ALDH1A1: variants seen among roughly 807,000 people sequenced by gnomAD.
ALDH1A1 encodes the protein aldehyde dehydrogenase 1 family member A1.
A neutral mutation model predicts 62.1 loss-of-function variants in ALDH1A1; 19 were observed. The ratio of observed to expected loss-of-function variants is 0.31; its 90% CI spans 0.21 to 0.45. The LOEUF (loss-of-function observed/expected upper bound fraction) is 0.45. Ranked by LOEUF, ALDH1A1 falls within the 20% of genes least tolerant of loss-of-function variation. ALDH1A1 has a pLI of 1.00. For synonymous variants in ALDH1A1, 231 were observed against 215.9 expected (o/e 1.07, Z -0.61); for missense variants, 521 against 607.1 (o/e 0.86, Z 1.49).
chr9:72,911,993 TA>T lies in ALDH1A1; in HGVS notation c.1164del (p.Asn389MetfsTer21). The T allele has an allele frequency of 6.2e-7, 1 of 1,613,970 alleles. No individual in the cohort carries two copies. The highest frequency in any genetic ancestry group is 8.5e-7 in the Non-Finnish European group (1 of 1,179,902). On this transcript the variant is annotated frameshift_variant, in exon 10 of 13. Coordinates refer to ENST00000297785, the MANE Select transcript of ALDH1A1 (RefSeq NM_000689.5). LOFTEE classifies it high-confidence loss of function. ...KGYFVQPTVFSNVTDEMRIAK... is the reference protein window; with the variant it reads ...KGYFVQPTVFXNVTDEMRIAK... ...GCAATGCGCATCTCATCTGTAACAT[TA>T]GAGAACACTGTGGGCTGGACAAAGT...
chr9:72,909,155 C>CTTTTTTTTTT (rs5898281), intron 11 of ALDH1A1, among the ~76,000 whole-genome samples: 15 of 75,564 alleles, frequency 2.0e-4, no homozygotes, highest in African/African-American at 3.9e-4. Context: ...TCCAATACAG[C>CTTTTTTTTTT]TTTTTTTTTT....
In ALDH1A1 at chr9:72,928,998, T is replaced by A; in HGVS notation, c.336A>T (p.Gly112=). 1 of 1,613,818 alleles carries A rather than the reference T, an allele frequency of 6.2e-7. No individual in the cohort carries two copies. Among genetic ancestry groups the A allele is most frequent in the South Asian group, 1.1e-5 (1 of 91,042 alleles). Residue 112 remains glycine, a synonymous_variant, in exon 4 of 13, where the codon GGA becomes GGT. Transcript: ENST00000297785. ...LLATMESMNG[G]KLYSNAYLND... ...TCAGATATGCATTGGAATAGAGTTTTCCACCATTCATTGACTCCATTGTCT... is the reference window on the plus strand; with the variant it reads ...TCAGATATGCATTGGAATAGAGTTTACCACCATTCATTGACTCCATTGTCT...
chr9:72,951,774 TC>T (rs1256674696), intron 1 of ALDH1A1, among the ~76,000 whole-genome samples: 1 of 151,916 alleles, frequency 6.6e-6, no homozygotes, highest in Non-Finnish European at 1.5e-5. Flanking sequence ...AAATCTTTCC[TC>T]TTTAACAAAA....
At chr9:72,941,524 A>T (rs1237972943) in intron 1 of ALDH1A1, among the ~76,000 whole-genome samples, 1 of 152,148 alleles carries the variant, frequency 6.6e-6, no homozygotes, top group Admixed American at 6.6e-5. Context: ...CTTTTTAAAT[A>T]GTCATTTTTA....
At chr9:72,920,775 C>T (rs767213656) in intron 7 of ALDH1A1, among the ~76,000 whole-genome samples, 6 of 152,168 alleles carry the variant, frequency 3.9e-5, no homozygotes, top group African/African-American at 7.2e-5. Context: ...GAAAAGTAAA[C>T]GTTTATCATT....
chr9:72,938,990 G>A (rs930454654), intron 2 of ALDH1A1, among the ~76,000 whole-genome samples: 3 of 152,020 alleles, frequency 2.0e-5, no homozygotes, highest in Non-Finnish European at 2.9e-5. Flanking sequence ...TCATCTGCCC[G>A]CCTCGGCCTC....
chr9:72,935,561 A>G (rs1393242903), intron 2 of ALDH1A1, among the ~76,000 whole-genome samples: 2 of 152,310 alleles, frequency 1.3e-5, no homozygotes, highest in East Asian at 3.9e-4. Context: ...TTTAACGGAC[A>G]TTTACTTTTA....
intron 1 of ALDH1A1, among the ~76,000 whole-genome samples, chr9:72,951,429 T>A (rs1164848611): frequency 6.6e-6 from 1 of 151,710 alleles, no homozygotes; most frequent in Non-Finnish European, 1.5e-5. Flanking sequence ...CAAGGAAGAC[T>A]TTGCAAACTT....
intron 9 of ALDH1A1, among the ~76,000 whole-genome samples, chr9:72,913,214 T>G (rs1830013513): frequency 6.6e-6 from 1 of 152,176 alleles, no homozygotes; most frequent in Non-Finnish European, 1.5e-5. Flanking sequence ...AGCCCCCATA[T>G]CTAACTAGAT....
At chr9:72,901,564 T>G (rs1829803963) in intron 12 of ALDH1A1, among the ~76,000 whole-genome samples, 1 of 152,058 alleles carries the variant, frequency 6.6e-6, no homozygotes, top group Admixed American at 6.6e-5. Flanking sequence ...ATTATTCTAC[T>G]TGATTTTAAA....
Position 72,912,379 on chromosome 9 carries a change from G to A in ALDH1A1, c.1036-257C>T, listed in dbSNP as rs201707204. Among the ~76,000 whole-genome samples the A allele has an allele frequency of 7.9e-5, 12 of 152,132 alleles. No homozygotes were observed. The East Asian group carries it at 2.3e-3, about 29-fold the overall frequency. ...GTTATATAGGAAAGCATTCAGCACT[G>A]CAAACACATAAAAAACACATAAATG... On this transcript the variant is annotated intron_variant, in intron 9 of 12. Coordinates refer to ENST00000297785, the MANE Select transcript of ALDH1A1 (RefSeq NM_000689.5).
chr9:72,936,319 A>G (rs1830345903), intron 2 of ALDH1A1, among the ~76,000 whole-genome samples: 1 of 152,218 alleles, frequency 6.6e-6, no homozygotes, highest in Non-Finnish European at 1.5e-5. Flanking sequence ...AACTTTGGGC[A>G]TAGAGATTTG....
chr9:72,936,734 G>A (rs1234448175), intron 2 of ALDH1A1, among the ~76,000 whole-genome samples: 3 of 152,122 alleles, frequency 2.0e-5, no homozygotes, highest in African/African-American at 7.2e-5. Context: ...CCCAATTTTG[G>A]TTTGGTAGCA....
At chr9:72,909,054 T>C (rs777770813) in intron 11 of ALDH1A1, among the ~76,000 whole-genome samples, 2 of 152,060 alleles carry the variant, frequency 1.3e-5, no homozygotes, top group Non-Finnish European at 2.9e-5. Flanking sequence ...GCAATTCTTA[T>C]ATTGTATTAA....
intron 9 of ALDH1A1, among the ~76,000 whole-genome samples, chr9:72,915,573 A>G (rs1396604323): frequency 6.6e-6 from 1 of 152,218 alleles, no homozygotes; most frequent in Non-Finnish European, 1.5e-5. Flanking sequence ...ACTTTTAAGT[A>G]CTCATTAAAC....
intron 1 of ALDH1A1, among the ~76,000 whole-genome samples, chr9:72,946,366 T>C (rs1830473850): frequency 6.6e-6 from 1 of 151,996 alleles, no homozygotes; most frequent in African/African-American, 2.4e-5. Flanking sequence ...GGCAAAGTTT[T>C]TAGAGATGTG....
intron 10 of ALDH1A1, 53 bp downstream of exon 10, chr9:72,911,905 C>G (rs956718285): frequency 5.6e-6 from 9 of 1,602,900 alleles, no homozygotes; most frequent in Admixed American, 1.7e-5. Flanking sequence ...TGTATACACA[C>G]AAACAGACAA....
chr9:72,908,285 A>G (rs1222892429), intron 11 of ALDH1A1, among the ~76,000 whole-genome samples: 1 of 151,254 alleles, frequency 6.6e-6, no homozygotes, highest in Non-Finnish European at 1.5e-5. Flanking sequence ...AAATACAAAG[A>G]TTAGCTGGGC....
chr9:72,952,141 G>A (rs369519592), intron 1 of ALDH1A1, among the ~76,000 whole-genome samples: 2 of 151,938 alleles, frequency 1.3e-5, no homozygotes, highest in South Asian at 2.1e-4. Context: ...ATAACTTCAA[G>A]TAATTTTGGT....
Sources: gnomAD v4.1 joint callset for allele counts (sites outside exome capture counted in the v4.1 genomes callset) on GRCh38, gnomAD v4.1.1 for gene constraint, MANE v1.5 for transcripts, NCBI Gene and HGNC (gene_info 2026-07-23, HGNC 2026-07-21) for gene names.